The following AGAP1 variants were observed in gnomAD, a reference collection of about 807,000 sequenced individuals.
The protein encoded by AGAP1 is ArfGAP with GTPase domain, ankyrin repeat and PH domain 1, also known as arf-GAP with GTPase, ANK repeat and PH domain-containing protein 1.
Under a neutral mutation model 105.3 loss-of-function variants are expected in AGAP1, and 29 were observed. The ratio of observed to expected loss-of-function variants is 0.28; its 90% CI spans 0.21 to 0.38. The LOEUF (loss-of-function observed/expected upper bound fraction) is 0.38. Ranked by LOEUF, AGAP1 falls within the 10% of genes least tolerant of loss-of-function variation. The pLI, the probability that AGAP1 is intolerant of heterozygous loss-of-function variation, is 1.00. For missense variants in AGAP1, 998 were observed against 1,165.1 expected, an observed-to-expected ratio of 0.86 and a Z score of 2.09; for synonymous variants, 509 against 485.9, an observed-to-expected ratio of 1.05 and a Z score of -0.63.
intron 1 of AGAP1, among the ~76,000 whole-genome samples, chr2:235,525,410 G>A (rs1331716034): frequency 6.6e-6 from 1 of 150,770 alleles, no homozygotes; most frequent in Non-Finnish European, 1.5e-5. Flanking sequence ...TAATGTGGAG[G>A]ACTGATTTAT....
At position 235,610,604 on chromosome 2, in the gene AGAP1, A is replaced by G. The variant is rs1160722491; in HGVS notation, c.164-98575A>G. Among the ~76,000 whole-genome samples, 3 of 152,110 alleles carry G rather than the reference A, an allele frequency of 2.0e-5. No individual in the cohort carries two copies. Among genetic ancestry groups the G allele is most frequent in the African/African-American group, 7.2e-5 (3 of 41,416 alleles). ...TTACCTTCCAAAGATCCCACCTCAG[A>G]TACCATCGCATTGGGGGTTGAGCTT... On this transcript the variant is annotated intron_variant, in intron 1 of 17. Coordinates refer to ENST00000304032, the MANE Select transcript of AGAP1 (RefSeq NM_001037131.3). This position sits in a 1 kb window ranked among gnomAD's most constrained non-coding sequence, Gnocchi z 4.9.
Position 235,800,101 on chromosome 2 carries a change from T to C in AGAP1, c.957+579T>C, listed in dbSNP as rs567899733. 2.5e-4 allele frequency among the ~76,000 whole-genome samples: 37 copies of C among 149,802 alleles called. No homozygotes were observed. In the South Asian group the frequency reaches 8.0e-3, roughly 32 times the overall value. On this transcript the variant is annotated intron_variant, in intron 8 of 17. Transcript: ENST00000304032. ...CTGGGTGCACTCGGGCATGCATTGTTCCTTTTTTTTTTTTTTTTCTTTTGA... is the reference window on the plus strand; with the variant it reads ...CTGGGTGCACTCGGGCATGCATTGTCCCTTTTTTTTTTTTTTTTCTTTTGA...
intron 13 of AGAP1, among the ~76,000 whole-genome samples, chr2:236,024,468 G>GCCTCCCTCCTTC (rs1234890748): frequency 2.0e-5 from 3 of 152,020 alleles, no homozygotes; most frequent in Non-Finnish European, 4.4e-5. Flanking sequence ...GTGCCTCTGT[G>GCCTCCCTCCTTC]CCTCCCTCCT....
chr2:235,514,371 T>G (rs1942290767), intron 1 of AGAP1, among the ~76,000 whole-genome samples: 1 of 152,240 alleles, frequency 6.6e-6, no homozygotes, highest in Non-Finnish European at 1.5e-5. Flanking sequence ...GAAGGAGTCA[T>G]GGAGGAAGTA....
rs189231730 is a variant in AGAP1 at position 235,620,272 on chromosome 2, G to C, written c.164-88907G>C. 5.2e-4 allele frequency among the ~76,000 whole-genome samples: 79 copies of C among 152,286 alleles called. No individual in the cohort carries two copies. Among genetic ancestry groups the C allele is most frequent in the African/African-American group, 1.9e-3 (78 of 41,564 alleles). On this transcript the variant is annotated intron_variant, in intron 1 of 17. Coordinates refer to ENST00000304032, the MANE Select transcript of AGAP1 (RefSeq NM_001037131.3). This position sits in a 1 kb window ranked among gnomAD's most constrained non-coding sequence, Gnocchi z 4.5. ...TAGCACCCTGGTCCCGGGCAGCAGC[G>C]TTGCTTGGCGGATTACTGCTCACCT...
intron 1 of AGAP1, 32 bp from the exon 2 acceptor site, chr2:235,709,147 G>T: frequency 6.2e-7 from 1 of 1,611,674 alleles, no homozygotes; most frequent in Non-Finnish European, 8.5e-7. Context: ...CGTGAGTTAT[G>T]GTGTCTGACT....
At chr2:235,497,722 G>T (rs1941380560) in intron 1 of AGAP1, among the ~76,000 whole-genome samples, 1 of 152,194 alleles carries the variant, frequency 6.6e-6, no homozygotes, top group Non-Finnish European at 1.5e-5. Context: ...AGCCTCCCGA[G>T]TAGCTGGGAC....
chr2:235,683,963 C>G (rs557271642), intron 1 of AGAP1, among the ~76,000 whole-genome samples: 1 of 150,936 alleles, frequency 6.6e-6, no homozygotes, highest in Non-Finnish European at 1.5e-5. Context: ...GGTTTTCTGT[C>G]CTTGTGATAG....
At chr2:235,890,521 G>A (rs2124904059) in intron 10 of AGAP1, among the ~76,000 whole-genome samples, 1 of 152,314 alleles carries the variant, frequency 6.6e-6, no homozygotes, top group East Asian at 1.9e-4. Flanking sequence ...AGGGGTGAAT[G>A]AACCTACAGC....
At position 235,753,978 on chromosome 2, in the gene AGAP1, A is replaced by G. The variant is rs561103125; in HGVS notation, c.673+3490A>G. On this transcript the variant is annotated intron_variant, in intron 6 of 17. Coordinates refer to ENST00000304032, the MANE Select transcript of AGAP1 (RefSeq NM_001037131.3). This position sits in a 1 kb window ranked among gnomAD's most constrained non-coding sequence, Gnocchi z 4.5. Reference sequence around the variant, plus strand: ...TAGGAGCTTTATTCAGTACTTAGCAATCCTTAATAACAAAGTAAAAATCCT... The same window carrying G: ...TAGGAGCTTTATTCAGTACTTAGCAGTCCTTAATAACAAAGTAAAAATCCT... Among the ~76,000 whole-genome samples the G allele has an allele frequency of 2.0e-4, 30 of 152,330 alleles. No homozygotes were observed. Among genetic ancestry groups the G allele is most frequent in the South Asian group, 1.9e-3 (9 of 4,826 alleles).
rs1336711378 is a variant in AGAP1 at position 236,061,897 on chromosome 2, G to T, written c.2114+12616G>T. On this transcript the variant is annotated intron_variant, in intron 16 of 17. Coordinates refer to ENST00000304032, the MANE Select transcript of AGAP1 (RefSeq NM_001037131.3). The surrounding 1 kb of genome is among the most constrained non-coding windows in gnomAD (Gnocchi z 4.1). ...GTCAATTTTGAAAAAAAAAAAAAAG[G>T]AATTTCCAAAGGAAAACAGATGAGC... is the stretch of plus-strand genomic sequence containing the variant. Among the ~76,000 whole-genome samples, 27 of 151,566 alleles carry T rather than the reference G, an allele frequency of 1.8e-4. No individual in the cohort carries two copies. The highest frequency in any genetic ancestry group is 6.1e-4 in the African/African-American group (25 of 41,138).
At chr2:235,671,428 C>T (rs952199179) in intron 1 of AGAP1, among the ~76,000 whole-genome samples, 2 of 152,188 alleles carry the variant, frequency 1.3e-5, no homozygotes, top group African/African-American at 4.8e-5. Context: ...AGCCGAGGCT[C>T]GCCGGTCGCC....
In AGAP1 at chr2:235,572,976, TTTCTTCTTCTTCTTCTTCTTCTTC is replaced by T. The variant is rs1172737406; in HGVS notation, c.163+78190_163+78213del. 2.0e-3 allele frequency among the ~76,000 whole-genome samples: 213 copies of T among 104,044 alleles called. 11 individuals carry two copies. The highest frequency in any genetic ancestry group is 8.9e-3 in the Middle Eastern group (2 of 224). 68.3% of individuals were successfully genotyped at this position (104,044 alleles called of 152,430 possible). A position where few individuals can be genotyped will look rare whatever the true frequency, so the allele number is the denominator to read the frequency against. On this transcript the variant is annotated intron_variant, in intron 1 of 17. Transcript: ENST00000304032. The stretch of plus-strand genomic sequence containing the variant: ...CAGACTCCCCGATTGCTCCATCTTT[TTTCTTCTTCTTCTTCTTCTTCTTC>T]TTCTTCTTCTTCTTCTTCTTCTTCT...
intron 13 of AGAP1, among the ~76,000 whole-genome samples, chr2:236,026,055 T>C (rs2057041435): frequency 6.6e-6 from 1 of 152,206 alleles, no homozygotes; most frequent in South Asian, 2.1e-4. Context: ...GCAGCATTCA[T>C]ACCTGTCCAC....
intron 1 of AGAP1, among the ~76,000 whole-genome samples, chr2:235,545,623 C>T (rs1943598980): frequency 6.6e-6 from 1 of 152,200 alleles, no homozygotes; most frequent in Non-Finnish European, 1.5e-5. Context: ...TAGTGGAGTT[C>T]CTTCCTGGAG....
At chr2:235,597,072 C>T (rs1945549464) in intron 1 of AGAP1, among the ~76,000 whole-genome samples, 1 of 152,172 alleles carries the variant, frequency 6.6e-6, no homozygotes, top group South Asian at 2.1e-4. Flanking sequence ...ATAGCAGCCC[C>T]AGCCGACTCA....
At chr2:236,028,251 T>G (rs1270636258) in intron 13 of AGAP1, among the ~76,000 whole-genome samples, 3 of 152,176 alleles carry the variant, frequency 2.0e-5, no homozygotes, top group Admixed American at 6.5e-5. Context: ...TCATGGTAAT[T>G]AGCCAATTAG....
Position 235,967,059 on chromosome 2 carries a change from C to A in AGAP1, c.1484-1403C>A, listed in dbSNP as rs927708126. Among the ~76,000 whole-genome samples the A allele has an allele frequency of 6.6e-6, 1 of 152,164 alleles. No individual in the cohort carries two copies. Among genetic ancestry groups the A allele is most frequent in the South Asian group, 2.1e-4 (1 of 4,824 alleles). On this transcript the variant is annotated intron_variant, in intron 12 of 17. Coordinates refer to ENST00000304032, the MANE Select transcript of AGAP1 (RefSeq NM_001037131.3). The surrounding 1 kb of genome is among the most constrained non-coding windows in gnomAD (Gnocchi z 4.7). ...AACCCTGCATGGCTCCCCATTCCCCCCAAAGCACAGGCGAGGGTCCTCACG... is the reference window on the plus strand; with the variant it reads ...AACCCTGCATGGCTCCCCATTCCCCACAAAGCACAGGCGAGGGTCCTCACG...
chr2:236,091,357 T>C (rs531128082), intron 16 of AGAP1, among the ~76,000 whole-genome samples: 1 of 152,366 alleles, frequency 6.6e-6, no homozygotes, highest in Non-Finnish European at 1.5e-5. Flanking sequence ...TTTTATCAAA[T>C]ACTGTTTTTA....
Sources: allele counts gnomAD v4.1 joint callset (sites outside exome capture counted in the v4.1 genomes callset), GRCh38; gene constraint gnomAD v4.1.1; non-coding constraint Gnocchi (gnomAD v3.1); transcripts MANE v1.5; gene names NCBI Gene and HGNC (gene_info 2026-07-23, HGNC 2026-07-21).